The following ST6GALNAC1 variants were observed in gnomAD, a reference collection of about 807,000 sequenced individuals.
ST6GALNAC1 encodes the protein ST6 N-acetylgalactosaminide alpha-2,6-sialyltransferase 1.
A neutral mutation model predicts 56.8 loss-of-function variants in ST6GALNAC1; 45 were observed. The observed-to-expected ratio is 0.79, with a 90% confidence interval of 0.62 to 1.02. The LOEUF is 1.02. Among genes scored for constraint, ST6GALNAC1 ranks in the 50% least tolerant of loss-of-function variants. The pLI is 0.00. For missense variants in ST6GALNAC1, 743 were observed against 754.8 expected (o/e 0.98, Z 0.18); for synonymous variants, 295 against 297.8 (o/e 0.99, Z 0.10).
intron 1 of ST6GALNAC1, among the ~76,000 whole-genome samples, chr17:76,634,400 G>A (rs889162711): frequency 2.0e-5 from 3 of 152,070 alleles, no homozygotes; most frequent in Admixed American, 2.0e-4. Context: ...CTGCTGTGGA[G>A]CTCTCTACCT....
At chr17:76,630,316 C>A (rs911386491) in intron 1 of ST6GALNAC1, among the ~76,000 whole-genome samples, 1 of 152,144 alleles carries the variant, frequency 6.6e-6, no homozygotes, top group Non-Finnish European at 1.5e-5. Context: ...AAAGGCAGGG[C>A]CGGCCAAGGC....
intron 1 of ST6GALNAC1, among the ~76,000 whole-genome samples, chr17:76,633,164 G>T (rs377366722): frequency 2.0e-5 from 3 of 152,044 alleles, no homozygotes; most frequent in East Asian, 3.9e-4. Flanking sequence ...AGCTGAGATA[G>T]CACTACTGCA....
At chr17:76,619,579 T>C in the ST6GALNAC1 span, among the ~76,000 whole-genome samples, 8 of 152,296 alleles carry the variant, frequency 5.3e-5, no homozygotes, top group Admixed American at 3.3e-4. Context: ...CTGTAATTCA[T>C]TGAAAGTGGC....
Position 76,625,864 on chromosome 17 carries a change from G to C in ST6GALNAC1, c.1560C>G (p.Thr520=), listed in dbSNP as rs1255491070. ...CAGTGAGCAGCAGGAGGGCCCCAGT[G>C]GTGGGGCGGTATATCCTCCAGTGGG... ...DGAHWRIYRP[T]TGALLLLTAL... The change falls in exon 8 of 9, where the codon ACC becomes ACG. Residue 520 remains threonine, a synonymous_variant. Coordinates refer to ENST00000156626, the MANE Select transcript of ST6GALNAC1 (RefSeq NM_018414.5). 3 of 1,548,930 alleles carry C rather than the reference G, an allele frequency of 1.9e-6. No individual in the cohort carries two copies. Among genetic ancestry groups the C allele is most frequent in the South Asian group, 1.3e-5 (1 of 79,956 alleles).
In ST6GALNAC1 at chr17:76,625,532, A is replaced by G; in HGVS notation, c.1606-5T>C. On this transcript the variant is annotated splice_region_variant and splice_polypyrimidine_tract_variant and intron_variant, in intron 8 of 8. Transcript: ENST00000156626. Reference sequence around the variant, plus strand: ...GATGAAGCCATAAGCACTCACCTACATCACGGTTGGAGGAGAAACACGGCC... The same window carrying G: ...GATGAAGCCATAAGCACTCACCTACGTCACGGTTGGAGGAGAAACACGGCC... The G allele has an allele frequency of 6.2e-7, 1 of 1,613,448 alleles. No homozygotes were observed. The highest frequency in any genetic ancestry group is 2.2e-5 in the East Asian group (1 of 44,870).
intron 8 of ST6GALNAC1, 128 bp from the exon 9 acceptor site, chr17:76,625,655 G>T: frequency 8.2e-7 from 1 of 1,215,330 alleles, no homozygotes. Flanking sequence ...CTGGGTGCAG[G>T]TCCCTGGATA....
chr17:76,631,282 G>A lies in ST6GALNAC1; in HGVS notation c.132-1571C>T, dbSNP rs531801581. 6.6e-5 allele frequency among the ~76,000 whole-genome samples: 10 copies of A among 152,224 alleles called. No individual in the cohort carries two copies. The East Asian group carries it at 1.2e-3, about 18-fold the overall frequency. On this transcript the variant is annotated intron_variant, in intron 1 of 8. Transcript: ENST00000156626. ...TTTTAACTGGACTTGCATAGAAAAT[G>A]CCTCTGCCTTTGTTATATGACTCAA...
downstream of ST6GALNAC1, among the ~76,000 whole-genome samples, chr17:76,622,832 C>CATAGA: frequency 6.8e-6 from 1 of 147,282 alleles, no homozygotes; most frequent in Non-Finnish European, 1.5e-5. Context: ...CTTGCTCTAT[C>CATAGA]GCCCAGGCTG....
At chr17:76,642,657 G>A (rs1242563331) in intron 1 of ST6GALNAC1, among the ~76,000 whole-genome samples, 1 of 152,116 alleles carries the variant, frequency 6.6e-6, no homozygotes, top group Non-Finnish European at 1.5e-5. Flanking sequence ...TTGGCTGGGC[G>A]CAGTGGCTCA....
At chr17:76,631,059 T>C (rs1375883773) in intron 1 of ST6GALNAC1, among the ~76,000 whole-genome samples, 3 of 99,796 alleles carry the variant, frequency 3.0e-5, no homozygotes, top group Non-Finnish European at 6.4e-5. Flanking sequence ...CATGCCCAGC[T>C]AATCTCTGTG....
rs1308930109 is a variant in ST6GALNAC1 at position 76,627,963 on chromosome 17, G to A, written c.832-380C>T. On this transcript the variant is annotated intron_variant, in intron 2 of 8. Transcript: ENST00000156626. This position sits in a 1 kb window ranked among gnomAD's most constrained non-coding sequence, Gnocchi z 4.4. ...ATACAAAAAATTAGCCGGGCGTGGT[G>A]GCGGGCGCCTGTAGTTCCAGCTACT... Among the ~76,000 whole-genome samples, 1 of 152,082 alleles carries A rather than the reference G, an allele frequency of 6.6e-6. No homozygotes were observed. The highest frequency in any genetic ancestry group is 1.5e-5 in the Non-Finnish European group (1 of 67,990).
chr17:76,641,739 A>G (rs561514108), intron 1 of ST6GALNAC1: 1 of 152,318 alleles, frequency 6.6e-6, no homozygotes, highest in Non-Finnish European at 1.5e-5. Context: ...CTACCCGGAA[A>G]TCACTTACGC....
intron 6 of ST6GALNAC1, 85 bp downstream of exon 6, chr17:76,626,204 G>T: frequency 3.9e-6 from 6 of 1,551,024 alleles, no homozygotes; most frequent in African/African-American, 1.4e-5. Flanking sequence ...GATAGCTAAG[G>T]CTGTCCCCAC....
Position 76,627,695 on chromosome 17 carries a change from G to T in ST6GALNAC1, c.832-112C>A. On this transcript the variant is annotated intron_variant, in intron 2 of 8. Transcript: ENST00000156626. The surrounding 1 kb of genome is among the most constrained non-coding windows in gnomAD (Gnocchi z 4.4). ...TCGCAGTTTGGAAGGCGCGGCCTCTGCTACCTCTTCCATTCTGTTCTCAGG... is the reference window on the plus strand; with the variant it reads ...TCGCAGTTTGGAAGGCGCGGCCTCTTCTACCTCTTCCATTCTGTTCTCAGG... The T allele has an allele frequency of 1.1e-6, 1 of 936,536 alleles. No homozygotes were observed. Among genetic ancestry groups the T allele is most frequent in the Non-Finnish European group, 1.6e-6 (1 of 616,078 alleles). 58.0% of individuals were successfully genotyped at this position (936,536 alleles called of 1,614,324 possible). A position where few individuals can be genotyped will look rare whatever the true frequency, so the allele number is the denominator to read the frequency against.
At chr17:76,625,742 G>A in intron 8 of ST6GALNAC1, 77 bp downstream of exon 8, 1 of 1,309,668 alleles carries the variant, frequency 7.6e-7, no homozygotes. Flanking sequence ...CCCATGCACT[G>A]TCCTATGCTG....
intron 1 of ST6GALNAC1, among the ~76,000 whole-genome samples, chr17:76,631,473 T>C (rs939397341): frequency 1.3e-5 from 2 of 152,166 alleles, no homozygotes; most frequent in Admixed American, 1.3e-4. Flanking sequence ...AAAAATTTAT[T>C]ATAAGAATAG....
intron 1 of ST6GALNAC1, among the ~76,000 whole-genome samples, chr17:76,635,174 G>A (rs557544311): frequency 3.9e-5 from 6 of 152,242 alleles, no homozygotes; most frequent in Middle Eastern, 3.4e-3. Flanking sequence ...ATTCTAGTGG[G>A]GATGTTATTA....
downstream of ST6GALNAC1, among the ~76,000 whole-genome samples, chr17:76,624,391 A>C (rs958047441): frequency 1.3e-5 from 2 of 152,194 alleles, no homozygotes; most frequent in Non-Finnish European, 2.9e-5. Context: ...CTGGGATTAC[A>C]GGCGCCCGCC....
rs190440157 is a variant in ST6GALNAC1, at chr17:76,628,799, G to A, written c.831+213C>T. Among the ~76,000 whole-genome samples the A allele has an allele frequency of 2.0e-4, 30 of 152,288 alleles. No homozygotes were observed. In the East Asian group the frequency reaches 5.8e-3, roughly 29 times the overall value. On this transcript the variant is annotated intron_variant, in intron 2 of 8. Coordinates refer to ENST00000156626, the MANE Select transcript of ST6GALNAC1 (RefSeq NM_018414.5). ...TGTCCACACCAGGGGTCCGGGGCCT[G>A]CCTGCTCCTCCTCCCCCATTGTGGC...
Sources: allele counts gnomAD v4.1 joint callset (sites outside exome capture counted in the v4.1 genomes callset), GRCh38; gene constraint gnomAD v4.1.1; non-coding constraint Gnocchi (gnomAD v3.1); transcripts MANE v1.5; gene names NCBI Gene and HGNC (gene_info 2026-07-23, HGNC 2026-07-21).